The following NDST3 variants were observed in gnomAD, a reference collection of about 807,000 sequenced individuals.
The protein encoded by NDST3 is bifunctional heparan sulfate N-deacetylase/N-sulfotransferase 3.
A neutral mutation model predicts 96.1 loss-of-function variants in NDST3; 58 were observed. The observed-to-expected ratio is 0.60, with a 90% CI of 0.49 to 0.75. The LOEUF (loss-of-function observed/expected upper bound fraction) is 0.75. NDST3 is among the 30% of genes least tolerant of loss of function. The pLI, the probability that NDST3 is intolerant of heterozygous loss-of-function variation, is 0.00. For missense variants in NDST3, 788 were observed against 1,034.2 expected (o/e 0.76, Z 3.27); for synonymous variants, 333 against 359.7 (o/e 0.93, Z 0.84).
At chr4:118,167,412 A>T (rs1163869033) in intron 6 of NDST3, among the ~76,000 whole-genome samples, 1 of 152,014 alleles carries the variant, frequency 6.6e-6, no homozygotes, top group Non-Finnish European at 1.5e-5. Context: ...AAATTAAAGA[A>T]GATACAAATA....
rs1188551218 is a variant in NDST3, at chr4:118,207,466, T to C, written c.1540-17025T>C. ...TTTAAGAAATCATGTTTGCAGAATA[T>C]AATTGTCATCCCAATTTTGCCAAAC... On this transcript the variant is annotated intron_variant, in intron 6 of 13. Coordinates refer to ENST00000296499, the MANE Select transcript of NDST3 (RefSeq NM_004784.3). Among the ~76,000 whole-genome samples, 4 of 145,358 alleles carry C rather than the reference T, an allele frequency of 2.8e-5. 2 individuals carry two copies. Among genetic ancestry groups the C allele is most frequent in the Non-Finnish European group, 6.1e-5 (4 of 65,404 alleles).
rs1175010985 is a variant in NDST3, at chr4:118,255,590, T to C, written c.2503-3T>C. 5.6e-6 allele frequency: 9 copies of C among 1,606,214 alleles called. No individual in the cohort carries two copies. Among genetic ancestry groups the C allele is most frequent in the Non-Finnish European group, 7.7e-6 (9 of 1,176,130 alleles). ...GTACTTTTCTCTCCTCCTCTCCACT[T>C]AGAGCAGGACATTTCTGTCAAGCTA... is the stretch of plus-strand genomic sequence containing the variant. On this transcript the variant is annotated splice_region_variant and splice_polypyrimidine_tract_variant and intron_variant, in intron 13 of 13. Coordinates refer to ENST00000296499, the MANE Select transcript of NDST3 (RefSeq NM_004784.3).
chr4:118,091,390 C>A (rs191972090), intron 2 of NDST3, among the ~76,000 whole-genome samples: 282 of 151,800 alleles, frequency 1.9e-3, no homozygotes, highest in Middle Eastern at 0.01. Context: ...AAATATTTTT[C>A]TTTGTAGAAA....
intron 1 of NDST3, among the ~76,000 whole-genome samples, chr4:118,051,589 C>A (rs1042946680): frequency 6.6e-6 from 1 of 151,852 alleles, no homozygotes; most frequent in Non-Finnish European, 1.5e-5. Context: ...TAAAAACAGG[C>A]AAAGGACATG....
intron 6 of NDST3, among the ~76,000 whole-genome samples, chr4:118,192,491 T>C (rs188186281): frequency 6.6e-6 from 1 of 152,326 alleles, no homozygotes; most frequent in East Asian, 1.9e-4. Context: ...AGTTTCATTC[T>C]TCTGCATATG....
At chr4:118,060,899 T>G (rs1725841781) in intron 2 of NDST3, among the ~76,000 whole-genome samples, 1 of 152,158 alleles carries the variant, frequency 6.6e-6, no homozygotes, top group Non-Finnish European at 1.5e-5. Context: ...CACCGGATAT[T>G]AGGCACTGTT....
intron 6 of NDST3, among the ~76,000 whole-genome samples, chr4:118,191,401 C>G (rs1480427397): frequency 6.6e-6 from 1 of 152,156 alleles, no homozygotes; most frequent in Non-Finnish European, 1.5e-5. Flanking sequence ...CAGTTAAATT[C>G]CAGAAAGGTG....
chr4:118,157,261 T>A (rs1451778724), intron 6 of NDST3, among the ~76,000 whole-genome samples: 1 of 151,884 alleles, frequency 6.6e-6, no homozygotes, highest in Non-Finnish European at 1.5e-5. Flanking sequence ...ACACCAAAAA[T>A]AATAAAAGTG....
At chr4:118,219,601 A>C (rs1413029622) in intron 6 of NDST3, among the ~76,000 whole-genome samples, 2 of 152,206 alleles carry the variant, frequency 1.3e-5, no homozygotes, top group Non-Finnish European at 2.9e-5. Flanking sequence ...AAACCTAGGC[A>C]ATACCACTCA....
intron 2 of NDST3, among the ~76,000 whole-genome samples, chr4:118,093,409 G>A (rs1729040139): frequency 6.6e-6 from 1 of 151,754 alleles, no homozygotes; most frequent in Non-Finnish European, 1.5e-5. Context: ...ATTAGTTGAT[G>A]TATTAATTCT....
chr4:118,237,554 T>A (rs1740723646), intron 10 of NDST3, among the ~76,000 whole-genome samples: 1 of 152,198 alleles, frequency 6.6e-6, no homozygotes, highest in African/African-American at 2.4e-5. Context: ...AAATCATTAT[T>A]TTTTCATCTA....
At chr4:118,113,812 T>A (rs2125863594) in intron 3 of NDST3, among the ~76,000 whole-genome samples, 1 of 152,304 alleles carries the variant, frequency 6.6e-6, no homozygotes, top group Admixed American at 6.5e-5. Context: ...GGATTCAATG[T>A]TGTGGCTAAA....
chr4:118,179,131 A>T (rs1418184082), intron 6 of NDST3, among the ~76,000 whole-genome samples: 1 of 152,036 alleles, frequency 6.6e-6, no homozygotes, highest in Non-Finnish European at 1.5e-5. Flanking sequence ...ATTATGGTGG[A>T]CAATAGACAA....
At chr4:118,164,098 C>A (rs1041634580) in intron 6 of NDST3, among the ~76,000 whole-genome samples, 2 of 152,066 alleles carry the variant, frequency 1.3e-5, no homozygotes, top group African/African-American at 4.8e-5. Flanking sequence ...GCCTAAATGC[C>A]CATCAGTGGT....
intron 12 of NDST3, 38 bp downstream of exon 12, chr4:118,242,187 CA>C: frequency 7.2e-7 from 1 of 1,384,294 alleles, no homozygotes; most frequent in South Asian, 1.2e-5. Flanking sequence ...GACATTTCAG[CA>C]GAGAATTGAT....
rs1737524945 is a variant in NDST3 at position 118,194,377 on chromosome 4, T to C, written c.1540-30114T>C. The C allele has an allele frequency of 8.2e-6, 6 of 728,966 alleles. No individual in the cohort carries two copies. In the South Asian group the frequency reaches 8.7e-5, roughly 11 times the overall value. The allele number at this position is 728,966 out of a possible 1,614,324, so 45.2% of individuals were successfully genotyped here. Reference sequence around the variant, plus strand: ...AACAACTCCACCTCAAACACGAGTGTGGCATTGGGGAGATCTTTGGAGGAC... The same window carrying C: ...AACAACTCCACCTCAAACACGAGTGCGGCATTGGGGAGATCTTTGGAGGAC... On this transcript the variant is annotated intron_variant, in intron 6 of 13. Transcript: ENST00000296499.
intron 6 of NDST3, among the ~76,000 whole-genome samples, chr4:118,160,469 G>GA (rs373117185): frequency 0.016 from 2,231 of 135,566 alleles, 53 homozygotes; most frequent in African/African-American, 0.052. Context: ...AAATTTACAA[G>GA]AAAAAAAAAA....
chr4:118,111,211 G>A (rs2125859673), intron 3 of NDST3, among the ~76,000 whole-genome samples: 1 of 152,252 alleles, frequency 6.6e-6, no homozygotes, highest in East Asian at 1.9e-4. Flanking sequence ...TACCTGTTGT[G>A]TACTATGCTC....
At chr4:118,229,144 T>C (rs1339070619) in intron 8 of NDST3, among the ~76,000 whole-genome samples, 1 of 152,010 alleles carries the variant, frequency 6.6e-6, no homozygotes, top group Non-Finnish European at 1.5e-5. Context: ...CTACTAAAAA[T>C]ACAAAAACTA....
Sources: allele counts gnomAD v4.1 joint callset (sites outside exome capture counted in the v4.1 genomes callset), GRCh38; gene constraint gnomAD v4.1.1; transcripts MANE v1.5; gene names NCBI Gene and HGNC (gene_info 2026-07-23, HGNC 2026-07-21).